The following SH3BGRL2 variants were observed in gnomAD, a reference collection of about 807,000 sequenced individuals.
The protein encoded by SH3BGRL2 is SH3 domain-binding glutamic acid-rich-like protein 2.
A neutral mutation model predicts 14.8 loss-of-function variants in SH3BGRL2; 21 were observed. The observed-to-expected ratio is 1.42, with a 90% CI of 1.01 to 2.05. The LOEUF (loss-of-function observed/expected upper bound fraction) is 2.05, where lower values mean the gene tolerates loss of function less well. Among genes scored for constraint, SH3BGRL2 ranks in the 30% most tolerant of loss-of-function variants. The pLI is 0.00. For missense variants in SH3BGRL2, 147 were observed against 130.8 expected (o/e 1.12, Z -0.61); for synonymous variants, 50 against 47.8 (o/e 1.05, Z -0.19).
chr6:79,627,350 A>G (rs186661782), upstream of SH3BGRL2, among the ~76,000 whole-genome samples: 160 of 152,360 alleles, frequency 1.1e-3, no homozygotes, highest in African/African-American at 3.6e-3. Context: ...TGTGGTCCAA[A>G]TATTCCAAAT....
At chr6:79,683,708 A>C (rs1283967885) in intron 2 of SH3BGRL2, among the ~76,000 whole-genome samples, 2 of 152,114 alleles carry the variant, frequency 1.3e-5, no homozygotes, top group African/African-American at 4.8e-5. Flanking sequence ...TGGCCTCCCA[A>C]AGTGCTGGGA....
At chr6:79,586,346 G>T in the SH3BGRL2 span, among the ~76,000 whole-genome samples, 1 of 133,978 alleles carries the variant, frequency 7.5e-6, no homozygotes, top group Non-Finnish European at 1.5e-5. Flanking sequence ...GAAGCCAAAA[G>T]CAGAAACACC....
At chr6:79,627,376 G>A (rs1768754178), upstream of SH3BGRL2, among the ~76,000 whole-genome samples, 1 of 152,186 alleles carries the variant, frequency 6.6e-6, no homozygotes, top group Non-Finnish European at 1.5e-5. Flanking sequence ...TGACCAGGTA[G>A]CCTGAGAGTT....
At chr6:79,641,150 T>TTGTGTG (rs373404859) in intron 1 of SH3BGRL2, among the ~76,000 whole-genome samples, 11,151 of 141,240 alleles carry the variant, frequency 0.079, 456 homozygotes, top group African/African-American at 0.1. Flanking sequence ...TCTCACCCTT[T>TTGTGTG]TGTGTGTGTG....
chr6:79,601,923 TC>T, the SH3BGRL2 span, among the ~76,000 whole-genome samples: 1 of 147,428 alleles, frequency 6.8e-6, no homozygotes, highest in Non-Finnish European at 1.5e-5. Context: ...AAAATCAAGC[TC>T]CCCACCCCCC....
the SH3BGRL2 span, among the ~76,000 whole-genome samples, chr6:79,590,455 A>ATATATATCTCAATG: frequency 8.6e-6 from 1 of 116,146 alleles, no homozygotes; most frequent in East Asian, 3.7e-4. Context: ...ATATATATAT[A>ATATATATCTCAATG]TATATATATG....
intron 1 of SH3BGRL2, among the ~76,000 whole-genome samples, chr6:79,640,250 CT>C (rs765496426): frequency 2.6e-5 from 4 of 152,176 alleles, no homozygotes; most frequent in Non-Finnish European, 5.9e-5. Flanking sequence ...ATAGGCTTAT[CT>C]GACTTCATCT....
At chr6:79,659,333 T>A (rs1769491102) in intron 1 of SH3BGRL2, among the ~76,000 whole-genome samples, 2 of 152,244 alleles carry the variant, frequency 1.3e-5, no homozygotes, top group Admixed American at 1.3e-4. Context: ...AAAGAAGGGA[T>A]ACAGTTTCAG....
At chr6:79,670,995 G>A (rs146221760) in intron 1 of SH3BGRL2, among the ~76,000 whole-genome samples, 1 of 152,256 alleles carries the variant, frequency 6.6e-6, no homozygotes, top group Non-Finnish European at 1.5e-5. Context: ...AGAGGTGTTT[G>A]CGTAAACATG....
chr6:79,621,674 T>C, the SH3BGRL2 span, among the ~76,000 whole-genome samples: 1 of 152,218 alleles, frequency 6.6e-6, no homozygotes, highest in South Asian at 2.1e-4. Flanking sequence ...TTTGTCTTTC[T>C]TGCTAGCAGA....
At chr6:79,556,212 G>A in the SH3BGRL2 span, among the ~76,000 whole-genome samples, 1 of 152,100 alleles carries the variant, frequency 6.6e-6, no homozygotes, top group Non-Finnish European at 1.5e-5. Flanking sequence ...CTTAAAAATT[G>A]CAATTTCTGC....
chr6:79,606,556 G>GACT, the SH3BGRL2 span, among the ~76,000 whole-genome samples: 1 of 152,168 alleles, frequency 6.6e-6, no homozygotes, highest in Non-Finnish European at 1.5e-5. Context: ...ACACCCTTTA[G>GACT]AAGCCACGTG....
chr6:79,640,913 A>G (rs938129678), intron 1 of SH3BGRL2, among the ~76,000 whole-genome samples: 4 of 152,140 alleles, frequency 2.6e-5, no homozygotes, highest in Admixed American at 2.6e-4. Flanking sequence ...GACTTGATTG[A>G]CAGGTCAGTT....
the SH3BGRL2 span, among the ~76,000 whole-genome samples, chr6:79,576,863 A>G: frequency 2.0e-5 from 3 of 152,150 alleles, no homozygotes; most frequent in African/African-American, 7.2e-5. Flanking sequence ...AGAATTTCCT[A>G]TAAATGAACT....
the SH3BGRL2 span, among the ~76,000 whole-genome samples, chr6:79,598,747 G>A: frequency 2.6e-5 from 4 of 152,200 alleles, no homozygotes; most frequent in East Asian, 1.9e-4. Context: ...TAAGGTAGAC[G>A]AATTATATCT....
At chr6:79,632,493 G>T (rs1262937597) in intron 1 of SH3BGRL2, among the ~76,000 whole-genome samples, 1 of 152,168 alleles carries the variant, frequency 6.6e-6, no homozygotes, top group Non-Finnish European at 1.5e-5. Context: ...CTTAAATTTG[G>T]TCTGGTCAAT....
chr6:79,574,848 T>A, the SH3BGRL2 span: 1 of 152,204 alleles, frequency 6.6e-6, no homozygotes, highest in Non-Finnish European at 1.5e-5. Context: ...CTCAGATGGT[T>A]GGGGGTTAGA....
At chr6:79,626,571 A>C (rs1768730221), upstream of SH3BGRL2, among the ~76,000 whole-genome samples, 1 of 152,166 alleles carries the variant, frequency 6.6e-6, no homozygotes, top group South Asian at 2.1e-4. Context: ...AATAACAGCT[A>C]GTGCTTCTTG....
chr6:79,546,276 T>C, the SH3BGRL2 span, among the ~76,000 whole-genome samples: 2 of 152,200 alleles, frequency 1.3e-5, no homozygotes, highest in African/African-American at 4.8e-5. Flanking sequence ...GTAAAAATGA[T>C]TAAGCTTGAA....
Sources: allele counts gnomAD v4.1 joint callset (sites outside exome capture counted in the v4.1 genomes callset), GRCh38; gene constraint gnomAD v4.1.1; transcripts MANE v1.5; gene names NCBI Gene and HGNC (gene_info 2026-07-23, HGNC 2026-07-21).